The following ADD1 variants were observed in gnomAD, a reference collection of about 807,000 sequenced individuals.
ADD1 encodes alpha-adducin.
ADD1 carries 24 observed loss-of-function variants against 80.5 expected under a neutral mutation model. That is an observed-to-expected ratio of 0.30 (90% CI 0.22 to 0.42). The LOEUF is 0.42. Among genes scored for constraint, ADD1 ranks in the 10% least tolerant of loss-of-function variants. ADD1 has a pLI of 1.00. For synonymous variants in ADD1, 373 were observed against 393.8 expected (o/e 0.95, Z 0.63); for missense variants, 948 against 1,019.0 (o/e 0.93, Z 0.95).
At chr4:2,852,314 T>TC (rs1235865640) in intron 1 of ADD1, among the ~76,000 whole-genome samples, 5 of 146,576 alleles carry the variant, frequency 3.4e-5, no homozygotes, top group African/African-American at 1.0e-4. Context: ...TTCTTTTTTT[T>TC]CTTTTCTTTT....
Position 2,928,413 on chromosome 4 carries a change from G to C in ADD1, c.2290G>C (p.Ala764Pro). The C allele has an allele frequency of 6.2e-7, 1 of 1,613,270 alleles. No homozygotes were observed. Among genetic ancestry groups the C allele is most frequent in the African/African-American group, 1.3e-5 (1 of 74,982 alleles). The change falls in exon 16 of 16, where the codon GCC becomes CCC. Residue 764 changes from alanine to proline, a missense_variant. Coordinates refer to ENST00000683351, the MANE Select transcript of ADD1 (RefSeq NM_001354761.2). ...AAPSAVEEGA[A>P]ADPGSDGSPG... ...CCCCTCAGCTGTCGAGGAGGGGGCCGCCGCGGACCCTGGCAGCGATGGGTC... is the reference window on the plus strand; with the variant it reads ...CCCCTCAGCTGTCGAGGAGGGGGCCCCCGCGGACCCTGGCAGCGATGGGTC...
intron 4 of ADD1, among the ~76,000 whole-genome samples, chr4:2,892,994 C>T (rs1734565337): frequency 6.6e-6 from 1 of 152,090 alleles, no homozygotes; most frequent in African/African-American, 2.4e-5. Flanking sequence ...TGACTGACTG[C>T]AACCTCTGCC....
intron 1 of ADD1, among the ~76,000 whole-genome samples, chr4:2,851,153 T>A (rs1314920057): frequency 1.3e-5 from 2 of 152,028 alleles, no homozygotes; most frequent in Non-Finnish European, 2.9e-5. Context: ...GCTCAAGTAA[T>A]CCTCCCCACC....
intron 1 of ADD1, among the ~76,000 whole-genome samples, chr4:2,852,140 T>TTCTTTCTTTCTTTCTTTCTC (rs1727200031): frequency 1.4e-5 from 1 of 71,250 alleles, no homozygotes; most frequent in African/African-American, 6.5e-5. Context: ...CCGGCCTCTT[T>TTCTTTCTTTCTTTCTTTCTC]TCTTTCTTTC....
At position 2,847,293 on chromosome 4, in the gene ADD1, T is replaced by C. The variant is rs2846033; in HGVS notation, c.-21+3269T>C. 5.1e-4 allele frequency among the ~76,000 whole-genome samples: 78 copies of C among 151,872 alleles called. No homozygotes were observed. In the East Asian group the frequency reaches 0.014, roughly 28 times the overall value. ...AAAATTAGCTGGGCATGGTGGTGCA[T>C]GCCTGTAATCCCCACTACTAGGGAG... On this transcript the variant is annotated intron_variant, in intron 1 of 15. Coordinates refer to ENST00000683351, the MANE Select transcript of ADD1 (RefSeq NM_001354761.2).
chr4:2,845,331 A>G (rs1726036523), intron 1 of ADD1, among the ~76,000 whole-genome samples: 1 of 152,186 alleles, frequency 6.6e-6, no homozygotes, highest in Admixed American at 6.5e-5. Flanking sequence ...TAGGCCTCCA[A>G]AAGTGCTGGG....
chr4:2,893,775 CT>C (rs1240989161), intron 4 of ADD1, among the ~76,000 whole-genome samples: 5 of 151,990 alleles, frequency 3.3e-5, no homozygotes, highest in African/African-American at 1.2e-4. Context: ...TGTTTTTTCC[CT>C]CTATAAAGTC....
intron 5 of ADD1, 143 bp downstream of exon 5, chr4:2,894,236 T>C (rs1734778876): frequency 1.4e-6 from 1 of 708,638 alleles, no homozygotes; most frequent in Admixed American, 2.7e-5. Context: ...GAGAAAAACC[T>C]TTGAGAGAAG....
At chr4:2,855,674 G>A (rs1727946060) in intron 1 of ADD1, among the ~76,000 whole-genome samples, 1 of 150,476 alleles carries the variant, frequency 6.6e-6, no homozygotes, top group African/African-American at 2.5e-5. Context: ...GTCTTGCTCT[G>A]ACACTCAGAC....
chr4:2,918,558 C>T (rs906908153), intron 14 of ADD1, among the ~76,000 whole-genome samples: 27 of 152,168 alleles, frequency 1.8e-4, no homozygotes, highest in African/African-American at 5.5e-4. Flanking sequence ...ATGTTGAATA[C>T]GAGTGGTGAG....
intron 14 of ADD1, among the ~76,000 whole-genome samples, chr4:2,918,064 T>A (rs1269902486): frequency 2.0e-5 from 3 of 152,224 alleles, no homozygotes; most frequent in Non-Finnish European, 4.4e-5. Flanking sequence ...GTGAAGAAAG[T>A]CAGTGGTAGC....
chr4:2,922,134 T>C (rs983159105), intron 14 of ADD1, among the ~76,000 whole-genome samples: 16 of 152,188 alleles, frequency 1.1e-4, no homozygotes, highest in Non-Finnish European at 2.2e-4. Context: ...AGTCTACTTC[T>C]GTCAGTTCAT....
At chr4:2,863,218 A>ATT (rs1729061062) in intron 1 of ADD1, among the ~76,000 whole-genome samples, 3 of 88,254 alleles carry the variant, frequency 3.4e-5, no homozygotes, top group East Asian at 3.1e-4. Flanking sequence ...GCTAATTTTT[A>ATT]ATTTTTTTTT....
intron 1 of ADD1, among the ~76,000 whole-genome samples, chr4:2,862,285 G>T: frequency 6.6e-6 from 1 of 152,222 alleles, no homozygotes; most frequent in South Asian, 2.1e-4. Flanking sequence ...ATTGAAACTA[G>T]CTTCACTGAA....
chr4:2,889,468 G>A (rs55927173), intron 4 of ADD1, among the ~76,000 whole-genome samples: 33,890 of 151,990 alleles, frequency 0.22, 4,619 homozygotes, highest in Non-Finnish European at 0.3. Context: ...ATCACTTATC[G>A]TAAAAGAAAA....
intron 6 of ADD1, among the ~76,000 whole-genome samples, chr4:2,895,838 C>T (rs1449577226): frequency 6.6e-6 from 1 of 151,616 alleles, no homozygotes; most frequent in African/African-American, 2.4e-5. Context: ...TATATAAGGA[C>T]TTTTGGGGTT....
chr4:2,847,665 GAC>G (rs1287970723), intron 1 of ADD1, among the ~76,000 whole-genome samples: 2 of 150,960 alleles, frequency 1.3e-5, no homozygotes, highest in African/African-American at 4.9e-5. Context: ...AGTCCTGATT[GAC>G]ATGTGCCCAA....
At chr4:2,850,504 C>T (rs916421987) in intron 1 of ADD1, among the ~76,000 whole-genome samples, 8 of 152,104 alleles carry the variant, frequency 5.3e-5, no homozygotes, top group Non-Finnish European at 1.2e-4. Context: ...TGGCTCACTG[C>T]AAGCTCTGCC....
intron 13 of ADD1, chr4:2,914,600 T>A: frequency 3.1e-6 from 1 of 318,042 alleles, no homozygotes. Context: ...TGAGGTGCTC[T>A]GTGCTCTTGG....
Sources: allele counts gnomAD v4.1 joint callset (sites outside exome capture counted in the v4.1 genomes callset), GRCh38; gene constraint gnomAD v4.1.1; transcripts MANE v1.5; gene names NCBI Gene and HGNC (gene_info 2026-07-23, HGNC 2026-07-21).